Variants in TTC27 observed in about 807,000 individuals in gnomAD.
TTC27 encodes tetratricopeptide repeat protein 27.
In TTC27, 79 loss-of-function variants were observed where a neutral mutation model predicts 115.9. The observed-to-expected ratio is 0.68, with a 90% CI of 0.57 to 0.82. The LOEUF (loss-of-function observed/expected upper bound fraction) is 0.82, where lower values mean the gene tolerates loss of function less well. Ranked by LOEUF, TTC27 falls within the 40% of genes least tolerant of loss-of-function variation. The pLI is 0.00. For synonymous variants in TTC27, 401 were observed against 356.0 expected, an observed-to-expected ratio of 1.13 and a Z score of -1.42; for missense variants, 1,054 against 993.1, an observed-to-expected ratio of 1.06 and a Z score of -0.82.
intron 4 of TTC27, among the ~76,000 whole-genome samples, chr2:32,642,210 G>C (rs928215168): frequency 6.6e-6 from 1 of 151,192 alleles, no homozygotes; most frequent in Non-Finnish European, 1.5e-5. Context: ...TGCTGTGTAA[G>C]GGCTTACTTT....
At chr2:32,715,955 G>C (rs200323881) in intron 10 of TTC27, among the ~76,000 whole-genome samples, 3 of 54,386 alleles carry the variant, frequency 5.5e-5, no homozygotes, top group African/African-American at 2.0e-4. Context: ...TAGTAGTGAA[G>C]TGTGTCACTG....
chr2:32,694,171 T>C (rs1436366610), intron 9 of TTC27, among the ~76,000 whole-genome samples: 1 of 152,178 alleles, frequency 6.6e-6, no homozygotes, highest in Non-Finnish European at 1.5e-5. Context: ...TTCTAAGAAA[T>C]GAGTATGAAT....
intron 9 of TTC27, among the ~76,000 whole-genome samples, chr2:32,689,345 A>G (rs1177015367): frequency 2.0e-5 from 3 of 152,132 alleles, no homozygotes; most frequent in Non-Finnish European, 4.4e-5. Context: ...AATTCACATG[A>G]CCAGATTTAT....
intron 10 of TTC27, among the ~76,000 whole-genome samples, chr2:32,708,301 C>CTTTTTTTTTTTTTTT (rs1159740039): frequency 1.2e-4 from 10 of 80,278 alleles, no homozygotes; most frequent in South Asian, 5.2e-4. Flanking sequence ...TTTTCTCTAC[C>CTTTTTTTTTTTTTTT]TTGTTTTTTT....
Position 32,664,350 on chromosome 2 carries a change from G to C in TTC27, c.688G>C (p.Ala230Pro). ...LFVDDSGRYL[A>P]IQFHLECAYV... is the part of the protein sequence containing the mutation. The stretch of plus-strand genomic sequence containing the variant: ...TGTAGATGATTCAGGTCGATATTTG[G>C]CTATTCAATTCCATCTGGAATGTGC... Residue 230 changes from alanine to proline, a missense_variant, in exon 6 of 20, where the codon GCT becomes CCT. Coordinates refer to ENST00000317907, the MANE Select transcript of TTC27 (RefSeq NM_017735.5). 6.2e-7 allele frequency: 1 copy of C among 1,610,712 alleles called. No individual in the cohort carries two copies. Among genetic ancestry groups the C allele is most frequent in the Non-Finnish European group, 8.5e-7 (1 of 1,178,414 alleles).
intron 18 of TTC27, 66 bp from the exon 19 acceptor site, chr2:32,817,391 C>A: frequency 7.5e-7 from 1 of 1,338,954 alleles, no homozygotes; most frequent in Non-Finnish European, 1.1e-6. Context: ...AAATAATTGG[C>A]TTTTGTACCT....
chr2:32,702,490 C>T lies in TTC27; in HGVS notation c.1120-317C>T, dbSNP rs6704648. ...TGGGTAATGGTGGTCACAGCTTTCT[C>T]TGGGGTTAGGTTTCAGTGTGTGCAT... On this transcript the variant is annotated intron_variant, in intron 9 of 19. Transcript: ENST00000317907. Among the ~76,000 whole-genome samples the T allele has an allele frequency of 9.5e-3, 1,446 of 152,222 alleles. 22 individuals carry two copies. The highest frequency in any genetic ancestry group is 0.033 in the African/African-American group (1,376 of 41,520).
Position 32,780,554 on chromosome 2 carries a change from C to T in TTC27, c.1780-2072C>T, listed in dbSNP as rs572051772. On this transcript the variant is annotated intron_variant, in intron 14 of 19. Coordinates refer to ENST00000317907, the MANE Select transcript of TTC27 (RefSeq NM_017735.5). The stretch of plus-strand genomic sequence containing the variant: ...TCCCAGGTTCAAGCAATTCTTCTGC[C>T]TCAGCCTCCCGATTAGCTGGGATTA... Among the ~76,000 whole-genome samples the T allele has an allele frequency of 2.0e-5, 3 of 152,270 alleles. 1 individual carries two copies. In the South Asian group the frequency reaches 6.2e-4, roughly 32 times the overall value.
chr2:32,759,172 T>C lies in TTC27; in HGVS notation c.1680+653T>C, dbSNP rs540847986. Among the ~76,000 whole-genome samples the C allele has an allele frequency of 2.6e-5, 4 of 152,252 alleles. No homozygotes were observed. The Middle Eastern group carries it at 0.014, about 518-fold the overall frequency. On this transcript the variant is annotated intron_variant, in intron 13 of 19. Coordinates refer to ENST00000317907, the MANE Select transcript of TTC27 (RefSeq NM_017735.5). ...TTTATTATTAGAAATGGTCATTTTT[T>C]CTACCAAACTTTATTTATAACTGCC...
chr2:32,682,844 G>GTTTTTTTTTTTT (rs142030247), intron 9 of TTC27, among the ~76,000 whole-genome samples: 763 of 56,920 alleles, frequency 0.013, 205 homozygotes, highest in African/African-American at 0.023. Flanking sequence ...AATTTTTATT[G>GTTTTTTTTTTTT]TTGTTTTTTT....
intron 9 of TTC27, among the ~76,000 whole-genome samples, chr2:32,692,647 T>C (rs555193030): frequency 6.6e-6 from 1 of 152,174 alleles, no homozygotes; most frequent in Non-Finnish European, 1.5e-5. Context: ...TTCCTAGGAA[T>C]AAACCTATCA....
In TTC27 at chr2:32,780,904, T is replaced by A. The variant is rs1670154687; in HGVS notation, c.1780-1722T>A. On this transcript the variant is annotated intron_variant, in intron 14 of 19. Transcript: ENST00000317907. ...ATGTTCTATATAAAAGATCTAAATT[T>A]AATGTTTTATTTGAGAAGAAAGAAT... 3.9e-5 allele frequency among the ~76,000 whole-genome samples: 6 copies of A among 152,012 alleles called. No individual in the cohort carries two copies. In the South Asian group the frequency reaches 1.2e-3, roughly 32 times the overall value.
At chr2:32,653,052 A>T (rs1665188603) in intron 5 of TTC27, among the ~76,000 whole-genome samples, 1 of 152,206 alleles carries the variant, frequency 6.6e-6, no homozygotes, top group Non-Finnish European at 1.5e-5. Context: ...ATTCTTTTGG[A>T]TGTCACACTA....
intron 4 of TTC27, among the ~76,000 whole-genome samples, chr2:32,647,801 A>G (rs1275805639): frequency 6.6e-6 from 1 of 151,760 alleles, no homozygotes; most frequent in Non-Finnish European, 1.5e-5. Flanking sequence ...TGACTCCTGT[A>G]AATAGCCACT....
At chr2:32,751,617 G>A (rs1669021834) in intron 12 of TTC27, among the ~76,000 whole-genome samples, 1 of 152,146 alleles carries the variant, frequency 6.6e-6, no homozygotes. Flanking sequence ...TCGTGATGAT[G>A]TTTTGAGTCC....
At chr2:32,777,741 C>T (rs1236994626) in intron 13 of TTC27, 141 bp from the exon 14 acceptor site, 1 of 743,668 alleles carries the variant, frequency 1.3e-6, no homozygotes, top group African/African-American at 1.8e-5. Context: ...TACATTTAAA[C>T]TAAATGTAAG....
chr2:32,744,034 T>C (rs1488964035), intron 12 of TTC27, among the ~76,000 whole-genome samples: 1 of 152,194 alleles, frequency 6.6e-6, no homozygotes, highest in Admixed American at 6.5e-5. Context: ...GTAAGAATAT[T>C]CCAAAGATGA....
intron 7 of TTC27, among the ~76,000 whole-genome samples, chr2:32,668,501 T>G (rs1222524899): frequency 1.3e-5 from 2 of 148,692 alleles, no homozygotes; most frequent in Non-Finnish European, 3.0e-5. Flanking sequence ...TTGCTTGTTC[T>G]TTCTTTTCTT....
intron 3 of TTC27, 39 bp downstream of exon 3, chr2:32,634,044 G>A: frequency 1.3e-6 from 2 of 1,576,706 alleles, no homozygotes; most frequent in Non-Finnish European, 1.7e-6. Flanking sequence ...TTATTATTAT[G>A]TTATTTATTT....
Sources: allele counts gnomAD v4.1 joint callset (sites outside exome capture counted in the v4.1 genomes callset), GRCh38; gene constraint gnomAD v4.1.1; transcripts MANE v1.5; gene names NCBI Gene and HGNC (gene_info 2026-07-23, HGNC 2026-07-21).